TENT5C: variants seen among roughly 807,000 people sequenced by gnomAD.
TENT5C encodes terminal nucleotidyltransferase 5C.
In TENT5C, 5 loss-of-function variants were observed where a neutral mutation model predicts 22.2. That is an observed-to-expected ratio of 0.22 (90% CI 0.12 to 0.47). The LOEUF (loss-of-function observed/expected upper bound fraction) is 0.47. TENT5C is among the 20% of genes least tolerant of loss of function. The pLI, the probability that TENT5C is intolerant of heterozygous loss-of-function variation, is 0.99. For missense variants in TENT5C, 364 were observed against 500.9 expected, an observed-to-expected ratio of 0.73 and a Z score of 2.61; for synonymous variants, 199 against 195.4, an observed-to-expected ratio of 1.02 and a Z score of -0.15.
chr1:117,623,923 A>C lies in TENT5C; in HGVS notation c.1055A>C (p.Asn352Thr). The C allele has an allele frequency of 2.5e-6, 4 of 1,614,016 alleles. No individual in the cohort carries two copies. The highest frequency in any genetic ancestry group is 3.4e-6 in the Non-Finnish European group (4 of 1,179,992). Reference sequence around the variant, plus strand: ...CAAAACATCATCCCCAGTGCCACCAACGTCACCTGTTACTACCAGCCGGCC... The same window carrying C: ...CAAAACATCATCCCCAGTGCCACCACCGTCACCTGTTACTACCAGCCGGCC... ...AEQNIIPSAT[N>T]VTCYYQPAPY... Residue 352 changes from asparagine (N) to threonine (T), a missense_variant, in exon 2 of 2, where the codon AAC becomes ACC. Asn to Thr is a moderately conservative substitution (Grantham distance 65). Transcript: ENST00000369448.
rs1002008129 is a variant in TENT5C, at chr1:117,627,540, C to T, written c.*3496C>T. 2.4e-5 allele frequency: 6 copies of T among 247,940 alleles called. No homozygotes were observed. The highest frequency in any genetic ancestry group is 8.8e-5 in the African/African-American group (4 of 45,318). 15.4% of individuals were successfully genotyped at this position (247,940 alleles called of 1,614,324 possible). On this transcript the variant is annotated 3_prime_UTR_variant, in exon 2 of 2. Coordinates refer to ENST00000369448, the MANE Select transcript of TENT5C (RefSeq NM_017709.4). Reference sequence around the variant, plus strand: ...GCAAAGTAGTTATCCAATGGTGAGACGAGACCCTGACGCTCATAGAGGCCA... The same window carrying T: ...GCAAAGTAGTTATCCAATGGTGAGATGAGACCCTGACGCTCATAGAGGCCA...
At position 117,613,643 on chromosome 1, in the gene TENT5C, G is replaced by A. The variant is rs187189079; in HGVS notation, c.-28+7490G>A. ...ACAGCCTGGTTCTGTGGCCTGCCTGGGTTTCAGTCCAGGGCTGCTTTCCAC... is the reference window on the plus strand; with the variant it reads ...ACAGCCTGGTTCTGTGGCCTGCCTGAGTTTCAGTCCAGGGCTGCTTTCCAC... On this transcript the variant is annotated intron_variant, in intron 1 of 1. Coordinates refer to ENST00000369448, the MANE Select transcript of TENT5C (RefSeq NM_017709.4). 1.6e-4 allele frequency among the ~76,000 whole-genome samples: 25 copies of A among 152,246 alleles called. No individual in the cohort carries two copies. The East Asian group carries it at 3.3e-3, about 20-fold the overall frequency.
chr1:117,608,655 A>G (rs1653598726), intron 1 of TENT5C, among the ~76,000 whole-genome samples: 1 of 152,206 alleles, frequency 6.6e-6, no homozygotes, highest in Non-Finnish European at 1.5e-5. Flanking sequence ...TTTACTGCTC[A>G]AGTACATAGG....
At chr1:117,619,476 T>C (rs1018948064) in intron 1 of TENT5C, among the ~76,000 whole-genome samples, 2 of 152,226 alleles carry the variant, frequency 1.3e-5, no homozygotes, top group Non-Finnish European at 2.9e-5. Flanking sequence ...ATGAGTACTT[T>C]GCCTAATGTT....
intron 1 of TENT5C, among the ~76,000 whole-genome samples, chr1:117,617,536 T>G (rs1653813321): frequency 6.6e-6 from 1 of 152,214 alleles, no homozygotes; most frequent in African/African-American, 2.4e-5. Context: ...CAAATTATGG[T>G]TTCCACCTTT....
At chr1:117,617,435 T>A (rs1653812112) in intron 1 of TENT5C, among the ~76,000 whole-genome samples, 1 of 151,788 alleles carries the variant, frequency 6.6e-6, no homozygotes, top group Non-Finnish European at 1.5e-5. Context: ...TGCAGTCAGA[T>A]AATAGAAGAA....
chr1:117,613,175 G>C (rs945342014), intron 1 of TENT5C, among the ~76,000 whole-genome samples: 1 of 152,028 alleles, frequency 6.6e-6, no homozygotes, highest in Non-Finnish European at 1.5e-5. Context: ...TGGTTACCAA[G>C]TAGCAACAAG....
At chr1:117,615,621 G>T (rs1653765462) in intron 1 of TENT5C, among the ~76,000 whole-genome samples, 1 of 152,206 alleles carries the variant, frequency 6.6e-6, no homozygotes, top group Non-Finnish European at 1.5e-5. Context: ...AGAGCCCTTG[G>T]AGGGCTCTGC....
Position 117,623,244 on chromosome 1 carries a change from A to C in TENT5C, c.376A>C (p.Lys126Gln). Residue 126 changes from lysine (K) to glutamine (Q), a missense_variant, in exon 2 of 2, where the codon AAG becomes CAG. Lys to Gln is a moderately conservative substitution (Grantham distance 53). Around this residue, in one of 3 missense-constraint regions of TENT5C, gnomAD observed 303 missense variants for 394.5 expected, o/e 0.77. Coordinates refer to ENST00000369448, the MANE Select transcript of TENT5C (RefSeq NM_017709.4). ...GAACTTCCTGCCAGAGGGTGTGAAC[A>C]AGCTCAAAATCAGTCCAGTCACTCT... The part of the protein sequence containing the change: ...LLNFLPEGVN[K>Q]LKISPVTLKE... The C allele has an allele frequency of 6.2e-7, 1 of 1,614,188 alleles. No individual in the cohort carries two copies. Among genetic ancestry groups the C allele is most frequent in the Non-Finnish European group, 8.5e-7 (1 of 1,180,026 alleles).
At chr1:117,617,319 C>A (rs1653808140) in intron 1 of TENT5C, among the ~76,000 whole-genome samples, 1 of 151,994 alleles carries the variant, frequency 6.6e-6, no homozygotes, top group Non-Finnish European at 1.5e-5. Flanking sequence ...TTCTCAGGGA[C>A]CTTGGTTTAA....
In TENT5C at chr1:117,627,109, G is replaced by C. The variant is rs558345599; in HGVS notation, c.*3065G>C. ...GCCTGTGGGATGGCCCACACCTGGG[G>C]GACCTGGCAGATGGGGTGAGTTGGG... On this transcript the variant is annotated 3_prime_UTR_variant, in exon 2 of 2. Coordinates refer to ENST00000369448, the MANE Select transcript of TENT5C (RefSeq NM_017709.4). 8.1e-6 allele frequency: 2 copies of C among 248,196 alleles called. No individual in the cohort carries two copies. Among genetic ancestry groups the C allele is most frequent in the African/African-American group, 4.4e-5 (2 of 45,474 alleles). The allele number at this position is 248,196 out of a possible 1,614,324, so 15.4% of individuals were successfully genotyped here. A position where few individuals can be genotyped will look rare whatever the true frequency, so the allele number is the denominator to read the frequency against.
At chr1:117,610,873 A>C (rs1271188858) in intron 1 of TENT5C, among the ~76,000 whole-genome samples, 2 of 152,094 alleles carry the variant, frequency 1.3e-5, no homozygotes, top group Non-Finnish European at 2.9e-5. Flanking sequence ...CTAGTTCTTA[A>C]ATTTTTATCT....
Position 117,627,342 on chromosome 1 carries a change from T to C in TENT5C, c.*3298T>C, listed in dbSNP as rs1654034420. 4.0e-6 allele frequency: 1 copy of C among 248,098 alleles called. No individual in the cohort carries two copies. The highest frequency in any genetic ancestry group is 2.2e-5 in the African/African-American group (1 of 45,376). The allele number at this position is 248,098 out of a possible 1,614,324, so 15.4% of individuals were successfully genotyped here. A position where few individuals can be genotyped will look rare whatever the true frequency, so the allele number is the denominator to read the frequency against. On this transcript the variant is annotated 3_prime_UTR_variant, in exon 2 of 2. Coordinates refer to ENST00000369448, the MANE Select transcript of TENT5C (RefSeq NM_017709.4). ...CCTCTGCACTAACCCCTTACCCTTA[T>C]GGTACGTCAGGATTTTAACTAGTAC...
At chr1:117,610,378 T>A (rs1653639790) in intron 1 of TENT5C, among the ~76,000 whole-genome samples, 1 of 152,064 alleles carries the variant, frequency 6.6e-6, no homozygotes, top group Non-Finnish European at 1.5e-5. Context: ...CTTCTTTGCC[T>A]CACAGAACAG....
intron 1 of TENT5C, among the ~76,000 whole-genome samples, chr1:117,607,069 G>A (rs913600618): frequency 3.9e-5 from 6 of 152,210 alleles, no homozygotes; most frequent in Non-Finnish European, 7.3e-5. Context: ...GAGCAGGGTG[G>A]GAGGCGAGTC....
At position 117,627,877 on chromosome 1, in the gene TENT5C, C is replaced by G. The variant is rs1207009794; in HGVS notation, c.*3833C>G. The G allele has an allele frequency of 4.0e-6, 1 of 247,284 alleles. No individual in the cohort carries two copies. The highest frequency in any genetic ancestry group is 2.2e-5 in the African/African-American group (1 of 45,124). The allele number at this position is 247,284 out of a possible 1,614,324, so 15.3% of individuals were successfully genotyped here. On this transcript the variant is annotated 3_prime_UTR_variant, in exon 2 of 2. Transcript: ENST00000369448. ...GTGTGTGTGTGTGCGTGTGTGTGTT[C>G]AAGTGCCTAAATCTTGTTTACCTAT...
intron 1 of TENT5C, among the ~76,000 whole-genome samples, chr1:117,621,866 T>G (rs1219850980): frequency 1.3e-5 from 2 of 152,226 alleles, no homozygotes; most frequent in Non-Finnish European, 2.9e-5. Context: ...TGTGTTTTAT[T>G]TTTTGGTAAG....
chr1:117,619,891 A>G (rs999338637), intron 1 of TENT5C, among the ~76,000 whole-genome samples: 1 of 152,182 alleles, frequency 6.6e-6, no homozygotes, highest in African/African-American at 2.4e-5. Context: ...GGCCAATAAC[A>G]TGCTGTTTCA....
At chr1:117,612,815 T>C (rs928667569) in intron 1 of TENT5C, among the ~76,000 whole-genome samples, 13 of 152,256 alleles carry the variant, frequency 8.5e-5, no homozygotes, top group African/African-American at 3.1e-4. Context: ...GTCCCTTTCC[T>C]GATAAGGCCT....
Sources: allele counts gnomAD v4.1 joint callset (sites outside exome capture counted in the v4.1 genomes callset), GRCh38; gene constraint gnomAD v4.1.1; regional missense constraint gnomAD v4.1.1; transcripts MANE v1.5; gene names NCBI Gene and HGNC (gene_info 2026-07-23, HGNC 2026-07-21).